Variants in CSMD2 observed in about 807,000 individuals in gnomAD.
The protein encoded by CSMD2 is CUB and Sushi multiple domains 2, also known as CUB and sushi domain-containing protein 2.
A neutral mutation model predicts 398.5 loss-of-function variants in CSMD2; 130 were observed. The ratio of observed to expected loss-of-function variants is 0.33; its 90% CI spans 0.28 to 0.38. The LOEUF (loss-of-function observed/expected upper bound fraction) is 0.38. Ranked by LOEUF, CSMD2 falls within the 10% of genes least tolerant of loss-of-function variation. CSMD2 has a pLI of 1.00. For missense variants in CSMD2, 3,829 were observed against 4,764.9 expected, an observed-to-expected ratio of 0.80 and a Z score of 5.78; for synonymous variants, 1,828 against 1,908.5, an observed-to-expected ratio of 0.96 and a Z score of 1.10.
intron 5 of CSMD2, among the ~76,000 whole-genome samples, chr1:33,852,216 G>A (rs1483523714): frequency 5.3e-5 from 8 of 152,082 alleles, no homozygotes; most frequent in Admixed American, 2.0e-4. Context: ...TGTCCTCATC[G>A]TTTCTCACCT....
chr1:33,809,925 A>G (rs781202524), intron 10 of CSMD2, among the ~76,000 whole-genome samples: 13 of 152,146 alleles, frequency 8.5e-5, no homozygotes, highest in Non-Finnish European at 1.9e-4. Context: ...GATAAATATA[A>G]GATATTTAGG....
chr1:33,995,993 C>T (rs1181776296), intron 3 of CSMD2, among the ~76,000 whole-genome samples: 1 of 152,106 alleles, frequency 6.6e-6, no homozygotes, highest in Non-Finnish European at 1.5e-5. Context: ...AAGCAGCCAA[C>T]TAAAAGAAAA....
At chr1:34,005,009 G>T (rs1216898229) in intron 3 of CSMD2, among the ~76,000 whole-genome samples, 1 of 152,194 alleles carries the variant, frequency 6.6e-6, no homozygotes, top group African/African-American at 2.4e-5. Context: ...GGCATGGATG[G>T]CTCAGCAGCT....
intron 1 of CSMD2, among the ~76,000 whole-genome samples, chr1:34,099,377 GGTTCTGAA>G (rs1313830861): frequency 6.6e-6 from 1 of 152,198 alleles, no homozygotes; most frequent in Non-Finnish European, 1.5e-5. Flanking sequence ...TACACAGAGT[GGTTCTGAA>G]GTATAGATGC....
chr1:33,733,533 T>C (rs534344731), intron 15 of CSMD2, among the ~76,000 whole-genome samples: 19 of 152,336 alleles, frequency 1.2e-4, no homozygotes, highest in Admixed American at 4.6e-4. Context: ...GATGTTGATA[T>C]GGTTGGGCTC....
intron 24 of CSMD2, among the ~76,000 whole-genome samples, chr1:33,697,018 A>C (rs1323930085): frequency 6.6e-6 from 1 of 152,224 alleles, no homozygotes; most frequent in East Asian, 1.9e-4. Context: ...AGCAGGCTAG[A>C]GGCAGTCTCA....
At position 33,518,932 on chromosome 1, in the gene CSMD2, A is replaced by G. The variant is rs1419665023; in HGVS notation, c.*53+533T>C. 6.6e-6 allele frequency among the ~76,000 whole-genome samples: 1 copy of G among 152,186 alleles called. No homozygotes were observed. The highest frequency in any genetic ancestry group is 1.5e-5 in the Non-Finnish European group (1 of 68,032). On this transcript the variant is annotated intron_variant, in intron 70 of 70. Transcript: ENST00000373381. The surrounding 1 kb of genome is among the most constrained non-coding windows in gnomAD (Gnocchi z 4.3). ...ATATATCTTGATATGGGGTATATGTATTGCGTTTATAGTGTATGAATGTAT... is the reference window on the plus strand; with the variant it reads ...ATATATCTTGATATGGGGTATATGTGTTGCGTTTATAGTGTATGAATGTAT...
At chr1:34,052,298 A>C (rs1653275410) in intron 2 of CSMD2, among the ~76,000 whole-genome samples, 2 of 152,042 alleles carry the variant, frequency 1.3e-5, no homozygotes, top group South Asian at 4.1e-4. Flanking sequence ...AAAAATTTTA[A>C]AACAACGCAG....
chr1:34,150,606 C>A (rs1640216018), intron 1 of CSMD2, among the ~76,000 whole-genome samples: 1 of 152,080 alleles, frequency 6.6e-6, no homozygotes, highest in African/African-American at 2.4e-5. Context: ...AAGCATAGGG[C>A]CTGAGTGTTC....
chr1:33,899,926 G>A (rs1368372733), intron 5 of CSMD2, among the ~76,000 whole-genome samples: 2 of 152,174 alleles, frequency 1.3e-5, no homozygotes, highest in Non-Finnish European at 2.9e-5. Flanking sequence ...CCTCTGCCTC[G>A]GTCAGCCTGA....
intron 1 of CSMD2, among the ~76,000 whole-genome samples, chr1:34,100,776 T>TG (rs1659862604): frequency 6.6e-6 from 1 of 152,216 alleles, no homozygotes; most frequent in African/African-American, 2.4e-5. Context: ...AAATAAGACC[T>TG]GGACCCTTAG....
chr1:33,590,294 A>ATTTTTTTTTTTTT (rs56252015), intron 44 of CSMD2, among the ~76,000 whole-genome samples: 2 of 73,862 alleles, frequency 2.7e-5, no homozygotes, highest in African/African-American at 1.1e-4. Flanking sequence ...GCTAATTAAA[A>ATTTTTTTTTTTTT]TTTTTTTTTT....
intron 12 of CSMD2, among the ~76,000 whole-genome samples, chr1:33,784,353 A>T (rs1460369591): frequency 6.6e-6 from 1 of 152,020 alleles, no homozygotes; most frequent in East Asian, 2.0e-4. Flanking sequence ...CCGGGGACTC[A>T]ACCCACCCAC....
At chr1:33,888,762 G>GTTGTTGT (rs1334494770) in intron 5 of CSMD2, among the ~76,000 whole-genome samples, 2 of 150,502 alleles carry the variant, frequency 1.3e-5, no homozygotes, top group African/African-American at 5.0e-5. Context: ...GATTTTTGTT[G>GTTGTTGT]TTGTTGTTGT....
At chr1:33,522,148 G>A (rs917069493) in intron 67 of CSMD2, among the ~76,000 whole-genome samples, 1 of 152,196 alleles carries the variant, frequency 6.6e-6, no homozygotes, top group Middle Eastern at 3.2e-3. Context: ...TGGGGCCGCA[G>A]CGGCTGAGGG....
At chr1:33,896,998 G>A (rs1356470770) in intron 5 of CSMD2, among the ~76,000 whole-genome samples, 1 of 152,070 alleles carries the variant, frequency 6.6e-6, no homozygotes, top group Non-Finnish European at 1.5e-5. Flanking sequence ...AGGTCACAGA[G>A]GCCGTGGTGG....
chr1:33,795,787 G>C (rs1314450230), intron 10 of CSMD2, among the ~76,000 whole-genome samples: 1 of 152,216 alleles, frequency 6.6e-6, no homozygotes, highest in African/African-American at 2.4e-5. Context: ...CACTGCCTCT[G>C]TACCAGTTCC....
intron 1 of CSMD2, among the ~76,000 whole-genome samples, chr1:34,093,800 A>G (rs1658942862): frequency 6.6e-6 from 1 of 152,118 alleles, no homozygotes; most frequent in South Asian, 2.1e-4. Context: ...TCTGAAAGTG[A>G]TGGGGAGAAT....
intron 15 of CSMD2, among the ~76,000 whole-genome samples, chr1:33,732,280 T>C (rs1425767359): frequency 6.6e-6 from 1 of 152,208 alleles, no homozygotes; most frequent in Non-Finnish European, 1.5e-5. Context: ...AGGAATGAAA[T>C]ACTGGTTGAT....
Sources: gnomAD v4.1 joint callset for allele counts (sites outside exome capture counted in the v4.1 genomes callset) on GRCh38, gnomAD v4.1.1 for gene constraint, Gnocchi (gnomAD v3.1) non-coding constraint, MANE v1.5 for transcripts, NCBI Gene and HGNC (gene_info 2026-07-23, HGNC 2026-07-21) for gene names.